The following ALS2 variants were observed in gnomAD, a reference collection of about 807,000 sequenced individuals.
ALS2 encodes the protein alsin.
In ALS2, 117 loss-of-function variants were observed where a neutral mutation model predicts 203.4. That is an observed-to-expected ratio of 0.58 (90% CI 0.50 to 0.67). ALS2 has a LOEUF of 0.67. Ranked by LOEUF, ALS2 falls within the 30% of genes least tolerant of loss-of-function variation. The pLI is 0.00. For missense variants in ALS2, 1,715 were observed against 1,989.4 expected, an observed-to-expected ratio of 0.86 and a Z score of 2.62; for synonymous variants, 718 against 725.9, an observed-to-expected ratio of 0.99 and a Z score of 0.17.
intron 3 of ALS2, among the ~76,000 whole-genome samples, 181 bp from the exon 4 acceptor site, chr2:201,761,999 A>T (rs913093773): frequency 6.6e-6 from 1 of 152,224 alleles, no homozygotes; most frequent in African/African-American, 2.4e-5. Flanking sequence ...TCATCTTTTT[A>T]AAAATGACTC....
In ALS2 at chr2:201,767,327, C is replaced by T. The variant is rs1189474050; in HGVS notation, c.77G>A (p.Gly26Glu). 2 of 1,613,994 alleles carry T rather than the reference C, an allele frequency of 1.2e-6. No homozygotes were observed. Among genetic ancestry groups the T allele is most frequent in the South Asian group, 1.1e-5 (1 of 91,090 alleles). The change falls in exon 3 of 34, where the codon GGA becomes GAA. Residue 26 changes from glycine (G) to glutamate (E), a missense_variant. Physicochemically the swap from Gly to Glu is moderately conservative, Grantham distance 98. This residue lies in a region of ALS2 where 476 missense variants were observed against 539.3 expected (regional missense o/e 0.88). Transcript: ENST00000264276. ...ERGLVHIWQA[G>E]SFPITPERLP... ...TCTCTCTGGTGTTATGGGAAAGGATCCTGCCTGCCAGATATGGACCAGGCC... is the reference window on the plus strand; with the variant it reads ...TCTCTCTGGTGTTATGGGAAAGGATTCTGCCTGCCAGATATGGACCAGGCC...
chr2:201,753,278 T>TTC, intron 6 of ALS2, 36 bp from the exon 7 acceptor site: 1 of 1,541,274 alleles, frequency 6.5e-7, no homozygotes, highest in Non-Finnish European at 9.0e-7. Flanking sequence ...AAAGTCAAAG[T>TTC]ATTCTCAGCA....
rs1324290651 is a variant in ALS2, at chr2:201,723,117, T to G, written c.3628A>C (p.Asn1210His). The G allele has an allele frequency of 6.2e-7, 1 of 1,612,174 alleles. No homozygotes were observed. Among genetic ancestry groups the G allele is most frequent in the South Asian group, 1.1e-5 (1 of 91,030 alleles). ...TCATCTTCGGAAAGCAAAACCCCAT[T>G]TCCCTACAAGAAGAAACAAGAGAAA... ...GNFHLNKMMG[N>H]GVLLSEDDTI... The change falls in exon 23 of 34, where the codon AAT becomes CAT. Residue 1210 changes from asparagine to histidine, a missense_variant. Around this residue, in one of 3 missense-constraint regions of ALS2, gnomAD observed 1,227 missense variants for 1,413.5 expected, o/e 0.87. Transcript: ENST00000264276.
chr2:201,709,692 A>AAT (rs1559033593), intron 27 of ALS2, among the ~76,000 whole-genome samples, 189 bp downstream of exon 27: 1 of 152,234 alleles, frequency 6.6e-6, no homozygotes, highest in Non-Finnish European at 1.5e-5. Context: ...AAAATAAATA[A>AAT]ATAACAATAG....
chr2:201,729,469 C>T (rs1382944532), intron 13 of ALS2, among the ~76,000 whole-genome samples: 6 of 152,168 alleles, frequency 3.9e-5, no homozygotes, highest in African/African-American at 1.4e-4. Context: ...CAGGAGTTCT[C>T]AAATATTTTG....
Position 201,741,666 on chromosome 2 carries a change from A to T in ALS2, c.2351+8T>A. The stretch of plus-strand genomic sequence containing the variant: ...GAGATTGAACATGACACGGGACTGG[A>T]TACTTGCTCTGTATAACTATCCAAG... On this transcript the variant is annotated splice_region_variant and intron_variant, in intron 11 of 33. Transcript: ENST00000264276. 2 of 1,613,814 alleles carry T rather than the reference A, an allele frequency of 1.2e-6. No homozygotes were observed. The highest frequency in any genetic ancestry group is 1.7e-6 in the Non-Finnish European group (2 of 1,179,792).
In ALS2 at chr2:201,710,018, G is replaced by A; in HGVS notation, c.4143C>T (p.His1381=). ...YLIKACDTPL[H]PLGRLVETLV... ...GTGTCTCCACAAGCCTGCCCAGGGG[G>A]TGCAGAGGAGTGTCACAGGCCTGAG... Residue 1381 remains histidine, a synonymous_variant, in exon 27 of 34, where the codon CAC becomes CAT. Coordinates refer to ENST00000264276, the MANE Select transcript of ALS2 (RefSeq NM_020919.4). 1 of 1,613,922 alleles carries A rather than the reference G, an allele frequency of 6.2e-7. No homozygotes were observed. Among genetic ancestry groups the A allele is most frequent in the South Asian group, 1.1e-5 (1 of 91,072 alleles).
At chr2:201,763,661 A>G (rs1693893663) in intron 3 of ALS2, 1 of 159,814 alleles carries the variant, frequency 6.3e-6, no homozygotes, top group Admixed American at 6.4e-5. Context: ...AACAAAGCAA[A>G]AAAGCAAATG....
intron 2 of ALS2, among the ~76,000 whole-genome samples, chr2:201,767,705 C>CAA (rs57200737): frequency 0.17 from 23,891 of 140,272 alleles, 2,181 homozygotes; most frequent in East Asian, 0.39. Context: ...ACTAAAAATA[C>CAA]AAAAAAAAAA....
intron 27 of ALS2, 114 bp from the exon 28 acceptor site, chr2:201,708,105 T>G: frequency 1.0e-6 from 1 of 955,856 alleles, no homozygotes. Context: ...CTAAGTATTT[T>G]AGTTCCCTGA....
At chr2:201,748,578 C>T (rs1485852608) in intron 8 of ALS2, among the ~76,000 whole-genome samples, 2 of 152,126 alleles carry the variant, frequency 1.3e-5, no homozygotes, top group South Asian at 2.1e-4. Context: ...TGCTACATTA[C>T]AAAGGTTTCC....
chr2:201,769,130 T>C (rs1694249764), intron 1 of ALS2, among the ~76,000 whole-genome samples, 185 bp from the exon 2 acceptor site: 1 of 152,148 alleles, frequency 6.6e-6, no homozygotes, highest in South Asian at 2.1e-4. Context: ...CCCACTAAGC[T>C]TATAAAAATG....
chr2:201,710,850 A>G (rs563303664), intron 26 of ALS2, 141 bp downstream of exon 26: 35 of 645,494 alleles, frequency 5.4e-5, no homozygotes, highest in Non-Finnish European at 8.6e-5. Context: ...TAATCTTGGT[A>G]GTTTGATAAT....
rs986660616 is a variant in ALS2 at position 201,759,350 on chromosome 2, A to G, written c.1113+1531T>C. On this transcript the variant is annotated intron_variant, in intron 4 of 33. Transcript: ENST00000264276. Reference sequence around the variant, plus strand: ...GAGAGTCTCAGTTATATCTCGCCAGAAGAGAAAAAACTTGCCCTAAAACAA... The same window carrying G: ...GAGAGTCTCAGTTATATCTCGCCAGGAGAGAAAAAACTTGCCCTAAAACAA... The G allele has an allele frequency of 5.3e-5, 50 of 935,390 alleles. No individual in the cohort carries two copies. The African/African-American group carries it at 8.4e-4, about 16-fold the overall frequency. 57.9% of individuals were successfully genotyped at this position (935,390 alleles called of 1,614,324 possible). A position where few individuals can be genotyped will look rare whatever the true frequency, so the allele number is the denominator to read the frequency against.
intron 29 of ALS2, 72 bp from the exon 30 acceptor site, chr2:201,705,533 A>G: frequency 8.3e-7 from 1 of 1,207,614 alleles, no homozygotes; most frequent in Non-Finnish European, 1.2e-6. Context: ...AAAATAGTTG[A>G]CAGCTATATT....
intron 4 of ALS2, among the ~76,000 whole-genome samples, chr2:201,758,759 CATGTGTGT>C (rs1693563314): frequency 7.6e-6 from 1 of 132,078 alleles, no homozygotes; most frequent in Non-Finnish European, 1.6e-5. Flanking sequence ...TGTGTGTGCG[CATGTGTGT>C]GTGTGTGTGT....
intron 3 of ALS2, chr2:201,763,488 C>T (rs997336411): frequency 7.1e-6 from 2 of 280,392 alleles, no homozygotes; most frequent in Non-Finnish European, 1.4e-5. Context: ...ACCAAGTCTC[C>T]GTATCAGGAA....
intron 5 of ALS2, 136 bp from the exon 6 acceptor site, chr2:201,754,807 T>C (rs930266821): frequency 4.4e-6 from 4 of 909,348 alleles, no homozygotes; most frequent in Admixed American, 5.2e-5. Flanking sequence ...AGGCTCTCTG[T>C]AGAAAAGGGG....
chr2:201,758,135 T>C (rs745343867), intron 4 of ALS2, among the ~76,000 whole-genome samples: 138 of 152,202 alleles, frequency 9.1e-4, no homozygotes, highest in Non-Finnish European at 1.6e-3. Context: ...GGACAGAAGA[T>C]TGAAAAAATG....
Sources: allele counts gnomAD v4.1 joint callset (sites outside exome capture counted in the v4.1 genomes callset), GRCh38; gene constraint gnomAD v4.1.1; regional missense constraint gnomAD v4.1.1; transcripts MANE v1.5; gene names NCBI Gene and HGNC (gene_info 2026-07-23, HGNC 2026-07-21).